Variants in GMDS observed in about 807,000 individuals in gnomAD.
GMDS encodes GDP-mannose 4,6 dehydratase.
In GMDS, 20 loss-of-function variants were observed where a neutral mutation model predicts 49.9. That is an observed-to-expected ratio of 0.40 (90% CI 0.28 to 0.58). GMDS has a LOEUF of 0.58. GMDS is among the 20% of genes least tolerant of loss of function. GMDS has a pLI of 0.42. For synonymous variants in GMDS, 177 were observed against 178.6 expected (o/e 0.99, Z 0.07); for missense variants, 362 against 481.4 (o/e 0.75, Z 2.32).
intron 9 of GMDS, among the ~76,000 whole-genome samples, chr6:1,720,363 C>T (rs750847440): frequency 2.0e-4 from 30 of 151,990 alleles, no homozygotes; most frequent in Non-Finnish European, 3.7e-4. Flanking sequence ...GAGACTGAAA[C>T]TTAAAGCTCC....
At chr6:1,858,322 T>C (rs930720761) in intron 7 of GMDS, among the ~76,000 whole-genome samples, 1 of 152,210 alleles carries the variant, frequency 6.6e-6, no homozygotes, top group Non-Finnish European at 1.5e-5. Context: ...AATGTTAAAA[T>C]GCCCTAGGGA....
intron 1 of GMDS, among the ~76,000 whole-genome samples, chr6:2,200,307 C>T (rs1400224977): frequency 2.0e-5 from 3 of 151,588 alleles, no homozygotes; most frequent in Non-Finnish European, 4.4e-5. Context: ...AGCAGAGAGG[C>T]GAAGGATGAA....
intron 4 of GMDS, among the ~76,000 whole-genome samples, chr6:2,053,606 T>C (rs1050764136): frequency 2.6e-5 from 4 of 152,108 alleles, no homozygotes; most frequent in South Asian, 2.1e-4. Flanking sequence ...TTTTGCATCA[T>C]AATAGTTCAA....
At chr6:2,098,480 T>A (rs1231033453) in intron 4 of GMDS, among the ~76,000 whole-genome samples, 1 of 152,224 alleles carries the variant, frequency 6.6e-6, no homozygotes, top group Non-Finnish European at 1.5e-5. Context: ...TAAGAATTTG[T>A]ACGTAGTTTA....
Position 1,960,810 on chromosome 6 carries a change from T to C in GMDS, c.502A>G (p.Lys168Glu). Residue 168 changes from lysine to glutamate, a missense_variant, in exon 5 of 11, where the codon AAG becomes GAG. Coordinates refer to ENST00000380815, the MANE Select transcript of GMDS (RefSeq NM_001500.4). ...CGGGGATAGAAAGGGGTGGTCTCCT[T>C]CTGGGGTATTTCCTGCACTTTCCCA... The part of the protein sequence containing the change: ...LYGKVQEIPQ[K>E]ETTPFYPRSP... The C allele has an allele frequency of 6.2e-7, 1 of 1,609,556 alleles. No individual in the cohort carries two copies. The highest frequency in any genetic ancestry group is 8.5e-7 in the Non-Finnish European group (1 of 1,176,536).
Position 1,932,537 on chromosome 6 carries a change from C to CTTT in GMDS, c.644-2310_644-2308dup, listed in dbSNP as rs1166894439. 7.8e-4 allele frequency among the ~76,000 whole-genome samples: 105 copies of CTTT among 134,014 alleles called. 1 individual carries two copies. The highest frequency in any genetic ancestry group is 3.8e-3 in the Middle Eastern group (1 of 262). The allele number at this position is 134,014 out of a possible 152,430, so 87.9% of individuals were successfully genotyped here. ...CCAAAATTAACTATAATTTCTAATT[C>CTTT]TTTTTTTTTTTTTTTTTTGAGATGG... is the stretch of plus-strand genomic sequence containing the variant. On this transcript the variant is annotated intron_variant, in intron 6 of 10. Coordinates refer to ENST00000380815, the MANE Select transcript of GMDS (RefSeq NM_001500.4).
chr6:1,732,985 A>G (rs578099117), intron 8 of GMDS, among the ~76,000 whole-genome samples: 11 of 152,372 alleles, frequency 7.2e-5, no homozygotes, highest in African/African-American at 2.6e-4. Context: ...ACTGCAACGA[A>G]GAAGATGGGC....
chr6:1,669,991 C>T (rs932068392), intron 9 of GMDS, among the ~76,000 whole-genome samples: 2 of 145,880 alleles, frequency 1.4e-5, no homozygotes, highest in Non-Finnish European at 3.0e-5. Context: ...GGTCACAGGG[C>T]TTCCTTGGGA....
intron 7 of GMDS, among the ~76,000 whole-genome samples, chr6:1,918,536 T>C (rs2325693): frequency 0.39 from 59,597 of 151,570 alleles, 12,548 homozygotes; most frequent in Non-Finnish European, 0.47. Flanking sequence ...ATTTGAGCTC[T>C]GGAGTTCAAG....
At chr6:2,210,855 C>G (rs979531916) in intron 1 of GMDS, among the ~76,000 whole-genome samples, 11 of 152,288 alleles carry the variant, frequency 7.2e-5, no homozygotes, top group Non-Finnish European at 1.6e-4. Context: ...ATTCCCAGCA[C>G]TGAGGGAGGG....
chr6:1,662,528 T>C (rs968988512), intron 9 of GMDS, among the ~76,000 whole-genome samples: 2 of 152,134 alleles, frequency 1.3e-5, no homozygotes, highest in Admixed American at 6.5e-5. Flanking sequence ...AGAAGTACAG[T>C]TGATCTGAGG....
intron 4 of GMDS, among the ~76,000 whole-genome samples, chr6:2,015,097 TA>T (rs1452274152): frequency 1.3e-5 from 2 of 152,148 alleles, no homozygotes; most frequent in African/African-American, 2.4e-5. Flanking sequence ...ATAAAGCCAT[TA>T]TTAGAGATGG....
chr6:1,703,383 C>T (rs186315377), intron 9 of GMDS, among the ~76,000 whole-genome samples: 15 of 151,940 alleles, frequency 9.9e-5, no homozygotes, highest in African/African-American at 1.9e-4. Context: ...CAGTTCCACC[C>T]GAAAGTGGTA....
chr6:1,985,275 T>C (rs554763491), intron 4 of GMDS, among the ~76,000 whole-genome samples: 9 of 152,304 alleles, frequency 5.9e-5, no homozygotes, highest in African/African-American at 2.2e-4. Flanking sequence ...GAACTAGTTC[T>C]GGACCAGAGC....
At chr6:2,069,713 A>T (rs1049116377) in intron 4 of GMDS, among the ~76,000 whole-genome samples, 1 of 152,176 alleles carries the variant, frequency 6.6e-6, no homozygotes. Flanking sequence ...CAAAACCACA[A>T]TGAGATACCA....
chr6:2,213,912 C>T (rs139513856), intron 1 of GMDS, among the ~76,000 whole-genome samples: 31 of 152,286 alleles, frequency 2.0e-4, no homozygotes, highest in African/African-American at 6.0e-4. Flanking sequence ...AGATGACCTA[C>T]GGAGTGTTAA....
At chr6:1,866,105 G>C (rs1281966817) in intron 7 of GMDS, among the ~76,000 whole-genome samples, 3 of 152,204 alleles carry the variant, frequency 2.0e-5, no homozygotes, top group African/African-American at 7.2e-5. Flanking sequence ...CAAGCACAGG[G>C]AGGTGAAAGC....
At chr6:2,014,152 G>C (rs1767753086) in intron 4 of GMDS, among the ~76,000 whole-genome samples, 1 of 112,882 alleles carries the variant, frequency 8.9e-6, no homozygotes, top group Non-Finnish European at 1.8e-5. Context: ...AACTTTCTAA[G>C]GCAAATAAAA....
At chr6:2,064,560 C>G (rs1239661692) in intron 4 of GMDS, among the ~76,000 whole-genome samples, 1 of 152,102 alleles carries the variant, frequency 6.6e-6, no homozygotes, top group Non-Finnish European at 1.5e-5. Flanking sequence ...CCTAGGATCC[C>G]AAAGGACCTC....
Sources: gnomAD v4.1 joint callset for allele counts (sites outside exome capture counted in the v4.1 genomes callset) on GRCh38, gnomAD v4.1.1 for gene constraint, MANE v1.5 for transcripts, NCBI Gene and HGNC (gene_info 2026-07-23, HGNC 2026-07-21) for gene names.